TBC1D8B: variants seen among roughly 807,000 people sequenced by gnomAD.
TBC1D8B encodes RP11-321G1.1.
Under a neutral mutation model 82.9 loss-of-function variants are expected in TBC1D8B, and 75 were observed. The observed-to-expected ratio is 0.90, with a 90% CI of 0.75 to 1.10. The LOEUF (loss-of-function observed/expected upper bound fraction) is 1.10. TBC1D8B is among the 50% of genes least tolerant of loss of function. The pLI is 0.00. For missense variants in TBC1D8B, 794 were observed against 796.9 expected (o/e 1.00, Z 0.04); for synonymous variants, 276 against 276.8 (o/e 1.00, Z 0.03).
intron 12 of TBC1D8B, among the ~76,000 whole-genome samples, chrX:106,851,108 G>C (rs1406129618): frequency 8.9e-6 from 1 of 111,951 alleles, no homozygotes; most frequent in East Asian, 2.8e-4. Context: ...TCCACTTCTT[G>C]ACCGGGTGCG....
chrX:106,834,826 C>T (rs112891268), intron 7 of TBC1D8B, among the ~76,000 whole-genome samples: 1 of 111,986 alleles, frequency 8.9e-6, no homozygotes, highest in Middle Eastern at 4.6e-3. Flanking sequence ...CTAGGTCACA[C>T]TGATGTGAGA....
chrX:106,827,684 C>A, intron 7 of TBC1D8B: 1 of 149,499 alleles, frequency 6.7e-6, no homozygotes. Context: ...AAAAAGGACT[C>A]CTCTTACTGT....
intron 1 of TBC1D8B, among the ~76,000 whole-genome samples, chrX:106,812,107 A>ATG (rs1931397326): frequency 9.2e-6 from 1 of 108,497 alleles, no homozygotes; most frequent in African/African-American, 3.6e-5. Flanking sequence ...GAAGCTCTTA[A>ATG]TATAAAGTTG....
rs552963809 is a variant in TBC1D8B at position 106,870,622 on chromosome X, A to G, written c.2870-94A>G. On this transcript the variant is annotated intron_variant, in intron 19 of 20. Coordinates refer to ENST00000357242, the MANE Select transcript of TBC1D8B (RefSeq NM_017752.3). ...TTAAAAAAATGGGATCTTATATCTCAGTGAAATACCTTTTAATCATAATTA... is the reference window on the plus strand; with the variant it reads ...TTAAAAAAATGGGATCTTATATCTCGGTGAAATACCTTTTAATCATAATTA... 10 of 528,799 alleles carry G rather than the reference A, an allele frequency of 1.9e-5. No individual in the cohort carries two copies. The African/African-American group carries it at 2.0e-4, about 10-fold the overall frequency. 43.6% of individuals were successfully genotyped at this position (528,799 alleles called of 1,213,427 possible).
At chrX:106,830,382 T>C (rs1932002957) in intron 7 of TBC1D8B, among the ~76,000 whole-genome samples, 1 of 111,603 alleles carries the variant, frequency 9.0e-6, no homozygotes, top group African/African-American at 3.3e-5. Context: ...TGGAAGTCAG[T>C]GTGGCGATTC....
chrX:106,863,345 C>A (rs1358878184), intron 14 of TBC1D8B, among the ~76,000 whole-genome samples: 2 of 111,542 alleles, frequency 1.8e-5, no homozygotes, highest in Admixed American at 9.4e-5. Context: ...ACCTAGTCCA[C>A]CCCTGGGCCT....
intron 1 of TBC1D8B, chrX:106,815,918 A>T (rs979999372): frequency 1.8e-5 from 2 of 111,460 alleles, no homozygotes; most frequent in Non-Finnish European, 3.8e-5. Context: ...TCTTAAAATA[A>T]TAAGAGCTAT....
intron 7 of TBC1D8B, among the ~76,000 whole-genome samples, chrX:106,835,380 G>C (rs1273075681): frequency 8.9e-6 from 1 of 112,247 alleles, no homozygotes; most frequent in Admixed American, 9.4e-5. Context: ...GCATAGAGCA[G>C]GGGGGCCCTG....
intron 14 of TBC1D8B, among the ~76,000 whole-genome samples, chrX:106,855,684 A>G (rs1932680984): frequency 8.9e-6 from 1 of 112,140 alleles, no homozygotes; most frequent in Non-Finnish European, 1.9e-5. Flanking sequence ...CTTTATGTAA[A>G]CATTCTTGTA....
At chrX:106,836,740 G>T (rs1932185806) in intron 7 of TBC1D8B, among the ~76,000 whole-genome samples, 1 of 111,079 alleles carries the variant, frequency 9.0e-6, no homozygotes, top group Non-Finnish European at 1.9e-5. Context: ...AAACAGTATT[G>T]ACAAGGAAAA....
intron 1 of TBC1D8B, among the ~76,000 whole-genome samples, chrX:106,810,808 G>A (rs1377096096): frequency 9.0e-6 from 1 of 111,479 alleles, no homozygotes; most frequent in East Asian, 2.9e-4. Flanking sequence ...TGGTCCCTGT[G>A]AAATCAAGTA....
At chrX:106,842,667 A>ATC (rs763780075) in intron 10 of TBC1D8B, among the ~76,000 whole-genome samples, 8 of 108,803 alleles carry the variant, frequency 7.4e-5, no homozygotes, top group African/African-American at 2.3e-4. Context: ...TGTCTCTCTA[A>ATC]TCTTTTCTAT....
chrX:106,809,182 C>T (rs373648733), intron 1 of TBC1D8B, among the ~76,000 whole-genome samples: 3 of 111,173 alleles, frequency 2.7e-5, no homozygotes, highest in South Asian at 3.8e-4. Flanking sequence ...AGATATTTAC[C>T]GAGTGCCTTT....
At position 106,874,068 on chromosome X, in the gene TBC1D8B, G is replaced by T; in HGVS notation, c.*103G>T. On this transcript the variant is annotated 3_prime_UTR_variant, in exon 21 of 21. Transcript: ENST00000357242. ...CAGGGATTTATCTTGTTACCAATGTGTCTGAAGGCCAAAATATATATCCAG... is the reference window on the plus strand; with the variant it reads ...CAGGGATTTATCTTGTTACCAATGTTTCTGAAGGCCAAAATATATATCCAG... 1.2e-6 allele frequency: 1 copy of T among 844,824 alleles called. No homozygotes were observed. The highest frequency in any genetic ancestry group is 1.6e-6 in the Non-Finnish European group (1 of 616,588). 69.6% of individuals were successfully genotyped at this position (844,824 alleles called of 1,213,427 possible).
At chrX:106,865,122 G>T (rs1932805434) in intron 14 of TBC1D8B, among the ~76,000 whole-genome samples, 1 of 110,912 alleles carries the variant, frequency 9.0e-6, no homozygotes, top group African/African-American at 3.3e-5. Context: ...ATTACTTCTT[G>T]GATTATGTTT....
rs142096245 is a variant in TBC1D8B, at chrX:106,854,221, A to T, written c.2277A>T (p.Glu759Asp). 13 of 1,173,577 alleles carry T rather than the reference A, an allele frequency of 1.1e-5. No homozygotes were observed. In the African/African-American group the frequency reaches 2.4e-4, roughly 21 times the overall value. The change falls in exon 14 of 21, where the codon GAA (glutamate) becomes GAT (aspartate). Residue 759 changes from glutamate to aspartate, a missense_variant. Physicochemically the swap from Glu to Asp is conservative, Grantham distance 45. Transcript: ENST00000357242. Reference protein sequence around the residue: ...SNEKYGNIRYEDIHSMRCRNR... With the variant: ...SNEKYGNIRYDDIHSMRCRNR... ...AGAAATATGGTAATATTCGCTATGA[A>T]GATATACATAGTATGCGCTGTCGAA...
At chrX:106,848,353 T>C in intron 11 of TBC1D8B, 50 bp downstream of exon 11, 2 of 845,222 alleles carry the variant, frequency 2.4e-6, no homozygotes, top group Non-Finnish European at 1.6e-6. Flanking sequence ...CAGAGATGTA[T>C]ATTTCCTTTC....
rs1176894153 is a variant in TBC1D8B, at chrX:106,865,604, G to A, written c.2398G>A (p.Asp800Asn). ...TGTGAAATTGAGCCTTCAAGAATTGGATGAACTTTATGTCATCTTTAAGGT... is the reference window on the plus strand; with the variant it reads ...TGTGAAATTGAGCCTTCAAGAATTGAATGAACTTTATGTCATCTTTAAGGT... ...QDVKLSLQEL[D>N]ELYVIFKKEL... The change falls in exon 15 of 21, where the codon GAT becomes AAT. Residue 800 changes from aspartate to asparagine, a missense_variant. Asp to Asn is a conservative substitution (Grantham distance 23). Transcript: ENST00000357242. 2.5e-6 allele frequency: 3 copies of A among 1,197,160 alleles called. No individual in the cohort carries two copies. Among genetic ancestry groups the A allele is most frequent in the East Asian group, 3.0e-5 (1 of 33,466 alleles).
At chrX:106,850,453 C>A in intron 12 of TBC1D8B, 143 bp downstream of exon 12, 1 of 581,164 alleles carries the variant, frequency 1.7e-6, no homozygotes, top group Non-Finnish European at 2.5e-6. Flanking sequence ...AGAGCTACAC[C>A]TAAAGTCCAG....
Sources: gnomAD v4.1 joint callset for allele counts (sites outside exome capture counted in the v4.1 genomes callset) on GRCh38, gnomAD v4.1.1 for gene constraint, MANE v1.5 for transcripts, NCBI Gene and HGNC (gene_info 2026-07-23, HGNC 2026-07-21) for gene names.